Variants in TYW1 observed in about 807,000 individuals in gnomAD.
TYW1 encodes tRNA-yW synthesizing protein 1 homolog.
Under a neutral mutation model 96.2 loss-of-function variants are expected in TYW1, and 46 were observed. The ratio of observed to expected loss-of-function variants is 0.48; its 90% CI spans 0.38 to 0.61. The LOEUF (loss-of-function observed/expected upper bound fraction) is 0.61, where lower values mean the gene tolerates loss of function less well. Among genes scored for constraint, TYW1 ranks in the 20% least tolerant of loss-of-function variants. The pLI is 0.00. For missense variants in TYW1, 684 were observed against 909.6 expected (o/e 0.75, Z 3.19); for synonymous variants, 274 against 323.0 (o/e 0.85, Z 1.63).
At chr7:67,197,952 T>TCCCCCC (rs1563067011) in intron 15 of TYW1, among the ~76,000 whole-genome samples, 1 of 125,976 alleles carries the variant, frequency 7.9e-6, no homozygotes, top group Non-Finnish European at 1.6e-5. Flanking sequence ...CTCCCTTCCC[T>TCCCCCC]ACCCCTGCCC....
At chr7:67,082,310 G>T (rs974748908) in intron 10 of TYW1, among the ~76,000 whole-genome samples, 1 of 152,052 alleles carries the variant, frequency 6.6e-6, no homozygotes, top group Non-Finnish European at 1.5e-5. Context: ...TTATAGTGTT[G>T]GTTGAGTGGG....
chr7:67,229,482 T>G (rs1250096178), intron 15 of TYW1, among the ~76,000 whole-genome samples: 6 of 151,536 alleles, frequency 4.0e-5, no homozygotes, highest in Non-Finnish European at 2.9e-5. Context: ...GAGGTTTCAG[T>G]GAGCCGAGAT....
chr7:67,125,480 C>G (rs66755920), intron 13 of TYW1, among the ~76,000 whole-genome samples: 1 of 151,590 alleles, frequency 6.6e-6, no homozygotes, highest in Admixed American at 6.6e-5. Context: ...CCATATCCCC[C>G]CTATTCCATG....
chr7:67,132,348 GATCCTCTCGCTTTGGCCTCCCA>G (rs1407698029), intron 13 of TYW1, among the ~76,000 whole-genome samples: 1 of 151,852 alleles, frequency 6.6e-6, no homozygotes, highest in Non-Finnish European at 1.5e-5. Context: ...GGCGTCAAGT[GATCCTCTCGCTTTGGCCTCCCA>G]AAGTGCTGGG....
intron 7 of TYW1, among the ~76,000 whole-genome samples, chr7:67,049,724 T>C (rs1795298874): frequency 6.6e-6 from 1 of 152,040 alleles, no homozygotes; most frequent in Non-Finnish European, 1.5e-5. Context: ...TTTTTGTGTT[T>C]TTAGTAGAGA....
chr7:67,169,691 T>A (rs1456985283), intron 13 of TYW1, among the ~76,000 whole-genome samples: 1 of 152,152 alleles, frequency 6.6e-6, no homozygotes, highest in Non-Finnish European at 1.5e-5. Context: ...GAGCCACTGC[T>A]CCCAGCCTAG....
intron 10 of TYW1, among the ~76,000 whole-genome samples, chr7:67,072,292 C>G (rs368833217): frequency 4.5e-3 from 656 of 147,348 alleles, no homozygotes; most frequent in African/African-American, 0.014. Flanking sequence ...TGTCACCCAG[C>G]CTGGAGTGCA....
At position 67,180,340 on chromosome 7, in the gene TYW1, C is replaced by T. The variant is rs528810435; in HGVS notation, c.1699-2786C>T. 1.5e-3 allele frequency among the ~76,000 whole-genome samples: 174 copies of T among 116,726 alleles called. 31 individuals are homozygous for T. The highest frequency in any genetic ancestry group is 2.6e-3 in the Admixed American group (30 of 11,378). 76.6% of individuals were successfully genotyped at this position (116,726 alleles called of 152,430 possible). A position where few individuals can be genotyped will look rare whatever the true frequency, so the allele number is the denominator to read the frequency against. On this transcript the variant is annotated intron_variant, in intron 13 of 15. Transcript: ENST00000359626. ...ATGGGTTGGGATTCATTCTGGCCCC[C>T]GTGTCCACATTTAACTCACTACCGT...
In TYW1 at chr7:67,228,909, G is replaced by A. The variant is rs1306330588; in HGVS notation, c.1978-9399G>A. ...ATGAGTCTCTGGAGAAGTTACAAGG[G>A]AAACCGATGGGAAGTCAGTTCTTCA... On this transcript the variant is annotated intron_variant, in intron 15 of 15. Transcript: ENST00000359626. 2.0e-5 allele frequency among the ~76,000 whole-genome samples: 3 copies of A among 152,330 alleles called. No individual in the cohort carries two copies. In the South Asian group the frequency reaches 6.2e-4, roughly 32 times the overall value.
chr7:67,066,002 T>TACACACAC (rs778159395), intron 9 of TYW1, among the ~76,000 whole-genome samples: 6 of 93,134 alleles, frequency 6.4e-5, no homozygotes, highest in Admixed American at 6.3e-4. Flanking sequence ...AGAGTGAGAC[T>TACACACAC]ACACACACAC....
At chr7:67,131,345 A>T (rs1265925486) in intron 13 of TYW1, among the ~76,000 whole-genome samples, 1 of 152,234 alleles carries the variant, frequency 6.6e-6, no homozygotes, top group Non-Finnish European at 1.5e-5. Context: ...GTATATGATT[A>T]AATATTTTAT....
intron 10 of TYW1, among the ~76,000 whole-genome samples, chr7:67,073,954 C>T (rs191319620): frequency 1.3e-4 from 19 of 150,166 alleles, no homozygotes; most frequent in Admixed American, 4.0e-4. Context: ...TGGTGGCGGA[C>T]GCCTGTAGTC....
chr7:67,157,583 G>A (rs112359334), intron 13 of TYW1, among the ~76,000 whole-genome samples: 1 of 152,190 alleles, frequency 6.6e-6, no homozygotes, highest in Non-Finnish European at 1.5e-5. Flanking sequence ...ACCGTGCCCG[G>A]CCTATGACCA....
chr7:67,001,792 G>T (rs1319652102), intron 3 of TYW1, among the ~76,000 whole-genome samples: 1 of 151,686 alleles, frequency 6.6e-6, no homozygotes, highest in African/African-American at 2.4e-5. Flanking sequence ...CAGCACTTTG[G>T]GAGGCCGAGG....
intron 10 of TYW1, among the ~76,000 whole-genome samples, chr7:67,081,481 C>T (rs1469306977): frequency 6.6e-6 from 1 of 150,816 alleles, no homozygotes; most frequent in African/African-American, 2.4e-5. Flanking sequence ...TCTGAATGTC[C>T]ATATCTCTCC....
intron 11 of TYW1, among the ~76,000 whole-genome samples, chr7:67,085,620 A>G (rs1796524958): frequency 6.6e-6 from 1 of 152,224 alleles, no homozygotes. Flanking sequence ...TTTATGAGAA[A>G]TGGAGAAAAG....
intron 11 of TYW1, 29 bp downstream of exon 11, chr7:67,083,568 C>T: frequency 3.7e-6 from 6 of 1,609,624 alleles, no homozygotes; most frequent in Non-Finnish European, 5.1e-6. Flanking sequence ...CAAAGGAATG[C>T]TAATACCTGT....
At chr7:67,013,105 TTTTTC>T (rs1258800280) in intron 4 of TYW1, among the ~76,000 whole-genome samples, 28 of 150,620 alleles carry the variant, frequency 1.9e-4, no homozygotes, top group Non-Finnish European at 3.5e-4. Context: ...CTCTCTGTAT[TTTTTC>T]TTTTCTTTTC....
chr7:67,029,415 G>GTGTGTGTGTA lies in TYW1; in HGVS notation c.984+4394_984+4395insGTGTGTGTAT, dbSNP rs1241213574. ...TGTGTGTGTGTGTGTGTGTGTGTGT[G>GTGTGTGTGTA]TATATATATATATATATAAATAGTA... On this transcript the variant is annotated intron_variant, in intron 7 of 15. Coordinates refer to ENST00000359626, the MANE Select transcript of TYW1 (RefSeq NM_018264.4). Among the ~76,000 whole-genome samples the GTGTGTGTGTA allele has an allele frequency of 2.1e-3, 195 of 94,340 alleles. 3 individuals carry two copies. Among genetic ancestry groups the GTGTGTGTGTA allele is most frequent in the Non-Finnish European group, 3.5e-3 (156 of 45,210 alleles). The allele number at this position is 94,340 out of a possible 152,430, so 61.9% of individuals were successfully genotyped here.
Sources: allele counts gnomAD v4.1 joint callset (sites outside exome capture counted in the v4.1 genomes callset), GRCh38; gene constraint gnomAD v4.1.1; transcripts MANE v1.5; gene names NCBI Gene and HGNC (gene_info 2026-07-23, HGNC 2026-07-21).